Variants in PCDH11X observed in about 807,000 individuals in gnomAD.
PCDH11X encodes the protein protocadherin 11 X-linked, also known as protocadherin-11 X-linked.
Under a neutral mutation model 53.3 loss-of-function variants are expected in PCDH11X, and 18 were observed. The ratio of observed to expected loss-of-function variants is 0.34; its 90% CI spans 0.23 to 0.50. The LOEUF is 0.50. Among genes scored for constraint, PCDH11X ranks in the 20% least tolerant of loss-of-function variants. The pLI is 0.98. For synonymous variants in PCDH11X, 279 were observed against 393.3 expected, an observed-to-expected ratio of 0.71 and a Z score of 3.44; for missense variants, 570 against 1,032.4, an observed-to-expected ratio of 0.55 and a Z score of 6.14.
chrX:91,812,598 G>C (rs940129143), intron 4 of PCDH11X, among the ~76,000 whole-genome samples: 1 of 111,083 alleles, frequency 9.0e-6, no homozygotes, highest in Non-Finnish European at 1.9e-5. Context: ...CTCCATCTTT[G>C]TTGTCACCAT....
chrX:92,175,361 T>G (rs2065889080), intron 6 of PCDH11X, among the ~76,000 whole-genome samples: 1 of 111,480 alleles, frequency 9.0e-6, no homozygotes, highest in Non-Finnish European at 1.9e-5. Flanking sequence ...TCCATGAAAA[T>G]CTGCCACAGC....
chrX:91,829,589 C>T (rs1480400321), intron 4 of PCDH11X, among the ~76,000 whole-genome samples: 1 of 110,407 alleles, frequency 9.1e-6, no homozygotes, highest in African/African-American at 3.3e-5. Context: ...ATAATTTCAC[C>T]CACGAATAAT....
intron 6 of PCDH11X, among the ~76,000 whole-genome samples, chrX:91,905,867 G>A (rs1394580812): frequency 1.8e-5 from 2 of 110,787 alleles, no homozygotes; most frequent in Non-Finnish European, 3.8e-5. Context: ...AAGAATAAAA[G>A]TCTGCCCAAT....
intron 6 of PCDH11X, among the ~76,000 whole-genome samples, chrX:91,886,200 C>T (rs1940185662): frequency 9.0e-6 from 1 of 111,591 alleles, no homozygotes; most frequent in Non-Finnish European, 1.9e-5. Context: ...ATATCTCCAA[C>T]CTTTTGTGTT....
At chrX:91,901,859 G>C (rs180807303) in intron 6 of PCDH11X, among the ~76,000 whole-genome samples, 1 of 111,909 alleles carries the variant, frequency 8.9e-6, no homozygotes, top group Admixed American at 9.5e-5. Flanking sequence ...ATACAAGACA[G>C]TATGGGAATA....
chrX:91,973,532 T>C (rs1333670831), intron 6 of PCDH11X, among the ~76,000 whole-genome samples: 1 of 107,856 alleles, frequency 9.3e-6, no homozygotes, highest in Non-Finnish European at 1.9e-5. Flanking sequence ...TGTGAGCTAA[T>C]GTGTGTTAAA....
chrX:92,146,955 C>T (rs1433200881), intron 6 of PCDH11X, among the ~76,000 whole-genome samples: 1 of 110,659 alleles, frequency 9.0e-6, no homozygotes, highest in Admixed American at 9.7e-5. Context: ...GCCGAGATCG[C>T]ACCACTGCAC....
intron 10 of PCDH11X, among the ~76,000 whole-genome samples, chrX:92,502,890 AAAACAAAC>A (rs774255843): frequency 1.8e-5 from 2 of 111,264 alleles, no homozygotes; most frequent in South Asian, 3.8e-4. Context: ...CTGCACAGCA[AAAACAAAC>A]AAACAAACAA....
intron 8 of PCDH11X, among the ~76,000 whole-genome samples, chrX:92,316,603 C>G (rs766477516): frequency 2.7e-5 from 3 of 110,515 alleles, no homozygotes; most frequent in African/African-American, 9.8e-5. Flanking sequence ...TTGAAAGACC[C>G]TATTATGAAA....
At chrX:92,062,115 G>A (rs1179753554) in intron 6 of PCDH11X, among the ~76,000 whole-genome samples, 1 of 110,576 alleles carries the variant, frequency 9.0e-6, no homozygotes, top group Non-Finnish European at 1.9e-5. Context: ...ATGGCTCTCG[G>A]TTTGGATGTT....
At chrX:91,851,100 C>T (rs1047542290) in intron 5 of PCDH11X, among the ~76,000 whole-genome samples, 2 of 109,663 alleles carry the variant, frequency 1.8e-5, no homozygotes, top group Admixed American at 1.9e-4. Flanking sequence ...GATTGAATTA[C>T]ATATTATTGC....
chrX:92,367,320 G>A (rs1251110464), intron 8 of PCDH11X, among the ~76,000 whole-genome samples: 2 of 111,309 alleles, frequency 1.8e-5, no homozygotes, highest in Non-Finnish European at 3.8e-5. Flanking sequence ...TGCAACCCCT[G>A]CTTTTTTTCT....
At position 92,255,126 on chromosome X, in the gene PCDH11X, G is replaced by T. The variant is rs1274108674; in HGVS notation, c.3115-7988G>T. 7.5e-5 allele frequency among the ~76,000 whole-genome samples: 8 copies of T among 106,023 alleles called. No homozygotes were observed. The Admixed American group carries it at 8.1e-4, about 11-fold the overall frequency. The allele number at this position is 106,023 out of a possible 115,157, so 92.1% of individuals were successfully genotyped here. ...TTCACATAGTCCCATATTTCTTGGAGGCTTTGCTCGTTTCTTTTTACTCTT... is the reference window on the plus strand; with the variant it reads ...TTCACATAGTCCCATATTTCTTGGATGCTTTGCTCGTTTCTTTTTACTCTT... On this transcript the variant is annotated intron_variant, in intron 7 of 10. Transcript: ENST00000682573.
chrX:92,306,190 C>G (rs1018320876), intron 8 of PCDH11X, among the ~76,000 whole-genome samples: 3 of 107,518 alleles, frequency 2.8e-5, no homozygotes, highest in African/African-American at 1.0e-4. Context: ...TATAAAATAT[C>G]TTGAAACAAA....
At chrX:92,256,955 A>G (rs1235534828) in intron 7 of PCDH11X, among the ~76,000 whole-genome samples, 1 of 111,410 alleles carries the variant, frequency 9.0e-6, no homozygotes, top group African/African-American at 3.3e-5. Flanking sequence ...CATGTGTATT[A>G]GTCCATTCTT....
intron 9 of PCDH11X, among the ~76,000 whole-genome samples, chrX:92,421,843 C>T (rs1354984657): frequency 8.9e-6 from 1 of 111,778 alleles, no homozygotes; most frequent in Non-Finnish European, 1.9e-5. Context: ...GCTTGTAGGT[C>T]ACACGTATGT....
At chrX:92,169,294 C>A (rs2065784472) in intron 6 of PCDH11X, among the ~76,000 whole-genome samples, 1 of 64,400 alleles carries the variant, frequency 1.6e-5, no homozygotes, top group Non-Finnish European at 3.4e-5. Flanking sequence ...TTTTTCAGAG[C>A]TTACAAAAAA....
chrX:92,259,211 C>T (rs754223714), intron 7 of PCDH11X, among the ~76,000 whole-genome samples: 1 of 111,508 alleles, frequency 9.0e-6, no homozygotes, highest in South Asian at 3.8e-4. Context: ...TCAACATTTT[C>T]AGGTATCTTT....
intron 6 of PCDH11X, among the ~76,000 whole-genome samples, chrX:92,146,510 G>A (rs1446957065): frequency 2.7e-5 from 3 of 111,522 alleles, no homozygotes; most frequent in Non-Finnish European, 5.6e-5. Context: ...ACATCATTAA[G>A]CATTTGGGGG....
Sources: gnomAD v4.1 joint callset for allele counts (sites outside exome capture counted in the v4.1 genomes callset) on GRCh38, gnomAD v4.1.1 for gene constraint, MANE v1.5 for transcripts, NCBI Gene and HGNC (gene_info 2026-07-23, HGNC 2026-07-21) for gene names.